ESRRB: variants seen among roughly 807,000 people sequenced by gnomAD.
The protein encoded by ESRRB is estrogen related receptor beta.
Under a neutral mutation model 46.0 loss-of-function variants are expected in ESRRB, and 16 were observed. The ratio of observed to expected loss-of-function variants is 0.35; its 90% CI spans 0.24 to 0.53. The LOEUF (loss-of-function observed/expected upper bound fraction) is 0.53. ESRRB is among the 20% of genes least tolerant of loss of function. The pLI is 0.93. For missense variants in ESRRB, 488 were observed against 607.4 expected (o/e 0.80, Z 2.07); for synonymous variants, 246 against 259.6 (o/e 0.95, Z 0.50).
intron 1 of ESRRB, among the ~76,000 whole-genome samples, chr14:76,335,894 A>G (rs1884121087): frequency 6.6e-6 from 1 of 152,228 alleles, no homozygotes; most frequent in African/African-American, 2.4e-5. Context: ...CGTAGTTAAT[A>G]TAATCTTATG....
intron 1 of ESRRB, among the ~76,000 whole-genome samples, chr14:76,436,560 A>G (rs1887682422): frequency 6.6e-6 from 1 of 152,088 alleles, no homozygotes; most frequent in African/African-American, 2.4e-5. Context: ...GGAAAGCAGG[A>G]GGGGATTAAA....
At chr14:76,413,385 G>T (rs1357877740) in intron 1 of ESRRB, among the ~76,000 whole-genome samples, 1 of 152,174 alleles carries the variant, frequency 6.6e-6, no homozygotes, top group South Asian at 2.1e-4. Context: ...CAGTTCCTTG[G>T]CTGTATACTG....
intron 1 of ESRRB, among the ~76,000 whole-genome samples, chr14:76,330,568 G>A (rs985999361): frequency 1.3e-5 from 2 of 152,208 alleles, no homozygotes; most frequent in African/African-American, 2.4e-5. Flanking sequence ...GTAAGAGGTC[G>A]GGACCCCTCC....
At chr14:76,447,864 C>G (rs1888217636) in intron 2 of ESRRB, among the ~76,000 whole-genome samples, 1 of 152,158 alleles carries the variant, frequency 6.6e-6, no homozygotes, top group Admixed American at 6.5e-5. Flanking sequence ...CCTGTTCTCC[C>G]TGCTGCCAGG....
intron 1 of ESRRB, among the ~76,000 whole-genome samples, chr14:76,428,060 G>A (rs186600613): frequency 3.3e-5 from 5 of 152,240 alleles, no homozygotes; most frequent in Admixed American, 2.6e-4. Context: ...GTGCAATGGC[G>A]CAATCTTGGC....
At chr14:76,373,501 C>T (rs940449540), upstream of ESRRB, among the ~76,000 whole-genome samples, 2 of 152,156 alleles carry the variant, frequency 1.3e-5, no homozygotes, top group Non-Finnish European at 2.9e-5. Flanking sequence ...ATCCATCCTC[C>T]GTGAGTTGGC....
At chr14:76,352,543 G>C (rs1393376823) in intron 1 of ESRRB, among the ~76,000 whole-genome samples, 1 of 152,204 alleles carries the variant, frequency 6.6e-6, no homozygotes, top group Non-Finnish European at 1.5e-5. Context: ...ACCGGTTGGG[G>C]GCACAGGCCC....
chr14:76,384,533 G>A (rs769477374), intron 1 of ESRRB, among the ~76,000 whole-genome samples: 1 of 152,150 alleles, frequency 6.6e-6, no homozygotes, highest in Admixed American at 6.5e-5. Flanking sequence ...AGGAGAATAC[G>A]GTGTTAACCA....
chr14:76,422,956 T>A (rs1166440912), intron 1 of ESRRB, among the ~76,000 whole-genome samples: 1 of 152,152 alleles, frequency 6.6e-6, no homozygotes, highest in Non-Finnish European at 1.5e-5. Context: ...TCCCACAGTT[T>A]CTTTACGAAT....
rs1889860517 is a variant in ESRRB, at chr14:76,482,780, G to A, written c.850+21G>A. 1 of 1,613,430 alleles carries A rather than the reference G, an allele frequency of 6.2e-7. No homozygotes were observed. The highest frequency in any genetic ancestry group is 2.2e-5 in the East Asian group (1 of 44,878). ...CCCAGGTGAGCATGTGGGACCAGGG[G>A]AGAGTGTGGCCAGGGACTCTCAGCC... On this transcript the variant is annotated intron_variant, in intron 5 of 6. Transcript: ENST00000644823. This position sits in a 1 kb window ranked among gnomAD's most constrained non-coding sequence, Gnocchi z 4.3.
intron 1 of ESRRB, among the ~76,000 whole-genome samples, chr14:76,380,982 A>T (rs974823108): frequency 1.3e-5 from 2 of 152,150 alleles, no homozygotes; most frequent in African/African-American, 4.8e-5. Flanking sequence ...CGTTTTTAGC[A>T]TGTATGCACT....
At chr14:76,373,289 G>C (rs896442699), upstream of ESRRB, among the ~76,000 whole-genome samples, 14 of 152,120 alleles carry the variant, frequency 9.2e-5, no homozygotes, top group African/African-American at 3.4e-4. Flanking sequence ...ATCATGATTT[G>C]TTGACTGCAT....
chr14:76,323,111 A>G (rs1883887360), intron 1 of ESRRB, among the ~76,000 whole-genome samples: 1 of 151,970 alleles, frequency 6.6e-6, no homozygotes, highest in South Asian at 2.1e-4. Context: ...CCCTGATGTG[A>G]TTTCCAATGT....
rs553157030 is a variant in ESRRB at position 76,484,269 on chromosome 14, G to A, written c.850+1510G>A. ...ACAGGGACGCACAGAGACATCAGAT[G>A]GCCCAGAGGCTCTGCTGGCAGGGAC... On this transcript the variant is annotated intron_variant, in intron 5 of 6. Coordinates refer to ENST00000644823, the MANE Select transcript of ESRRB (RefSeq NM_001379180.1). 1.1e-4 allele frequency among the ~76,000 whole-genome samples: 17 copies of A among 152,340 alleles called. No individual in the cohort carries two copies. The East Asian group carries it at 1.2e-3, about 10-fold the overall frequency.
At chr14:76,362,286 C>T (rs1207870620) in intron 1 of ESRRB, among the ~76,000 whole-genome samples, 1 of 152,226 alleles carries the variant, frequency 6.6e-6, no homozygotes, top group Non-Finnish European at 1.5e-5. Context: ...CTCAGGGTCA[C>T]ATTGCTAATG....
chr14:76,343,369 G>A (rs113589150), intron 1 of ESRRB, among the ~76,000 whole-genome samples: 77 of 152,372 alleles, frequency 5.1e-4, no homozygotes, highest in African/African-American at 1.7e-3. Flanking sequence ...TCTGAAGTCA[G>A]ACTGTTTGGA....
intron 1 of ESRRB, among the ~76,000 whole-genome samples, chr14:76,364,561 G>A (rs974073416): frequency 1.3e-5 from 2 of 152,038 alleles, no homozygotes; most frequent in Non-Finnish European, 2.9e-5. Context: ...GTGTGGTGGT[G>A]CATGCCTGTA....
intron 1 of ESRRB, among the ~76,000 whole-genome samples, chr14:76,323,227 A>G (rs1340203183): frequency 1.3e-5 from 2 of 151,552 alleles, no homozygotes; most frequent in Non-Finnish European, 1.5e-5. Flanking sequence ...GAGCATTCAC[A>G]TTCTTTGGGG....
chr14:76,496,327 G>A (rs1890423136), intron 6 of ESRRB, among the ~76,000 whole-genome samples: 1 of 152,218 alleles, frequency 6.6e-6, no homozygotes, highest in Non-Finnish European at 1.5e-5. Flanking sequence ...GCTCAAGGAG[G>A]GAAGAGTAAA....
Sources: allele counts gnomAD v4.1 joint callset (sites outside exome capture counted in the v4.1 genomes callset), GRCh38; gene constraint gnomAD v4.1.1; non-coding constraint Gnocchi (gnomAD v3.1); transcripts MANE v1.5; gene names NCBI Gene and HGNC (gene_info 2026-07-23, HGNC 2026-07-21).